Variants in ROBO1 observed in about 807,000 individuals in gnomAD.
ROBO1 encodes the protein roundabout homolog 1.
A neutral mutation model predicts 195.9 loss-of-function variants in ROBO1; 149 were observed. The ratio of observed to expected loss-of-function variants is 0.76; its 90% CI spans 0.67 to 0.87. The LOEUF is 0.87. Among genes scored for constraint, ROBO1 ranks in the 40% least tolerant of loss-of-function variants. ROBO1 has a pLI of 0.00. For missense variants in ROBO1, 1,933 were observed against 2,068.3 expected, an observed-to-expected ratio of 0.93 and a Z score of 1.27; for synonymous variants, 816 against 733.2, an observed-to-expected ratio of 1.11 and a Z score of -1.82.
At chr3:79,664,452 T>G (rs1234976983) in intron 1 of ROBO1, among the ~76,000 whole-genome samples, 2 of 152,074 alleles carry the variant, frequency 1.3e-5, no homozygotes, top group Non-Finnish European at 2.9e-5. Flanking sequence ...AGCTATGGAC[T>G]CCCAGGTGCC....
At chr3:78,866,335 C>T (rs572395587) in intron 4 of ROBO1, among the ~76,000 whole-genome samples, 79 of 152,216 alleles carry the variant, frequency 5.2e-4, no homozygotes, top group African/African-American at 1.9e-3. Context: ...TCATACAGGA[C>T]AGCATTTCCC....
chr3:79,107,777 T>G (rs1178566135), intron 3 of ROBO1, among the ~76,000 whole-genome samples: 1 of 151,752 alleles, frequency 6.6e-6, no homozygotes, highest in Non-Finnish European at 1.5e-5. Context: ...TTAATTGACA[T>G]ATTTCTAGCA....
At chr3:79,298,238 C>T (rs1033473152) in intron 2 of ROBO1, among the ~76,000 whole-genome samples, 1 of 152,078 alleles carries the variant, frequency 6.6e-6, no homozygotes. Flanking sequence ...ACCAGGCCAG[C>T]GGGCATGATT....
intron 2 of ROBO1, among the ~76,000 whole-genome samples, chr3:79,528,592 T>G (rs115782219): frequency 1.3e-5 from 2 of 152,184 alleles, no homozygotes; most frequent in Non-Finnish European, 2.9e-5. Flanking sequence ...ACTCAAAGTT[T>G]AGTGCTTACT....
chr3:79,555,567 C>G (rs975823364), intron 2 of ROBO1, among the ~76,000 whole-genome samples: 4 of 152,018 alleles, frequency 2.6e-5, no homozygotes, highest in African/African-American at 9.7e-5. Context: ...ACTTCCAAAA[C>G]TGTGTTGGAT....
At chr3:79,236,827 T>G (rs1375204533) in intron 2 of ROBO1, among the ~76,000 whole-genome samples, 2 of 152,176 alleles carry the variant, frequency 1.3e-5, no homozygotes, top group Non-Finnish European at 2.9e-5. Flanking sequence ...TGACTGACAT[T>G]GCAGGTTAAA....
At chr3:79,513,463 A>AC (rs1940809103) in intron 2 of ROBO1, among the ~76,000 whole-genome samples, 1 of 152,072 alleles carries the variant, frequency 6.6e-6, no homozygotes, top group African/African-American at 2.4e-5. Context: ...CTCACACTAT[A>AC]CCTTCAGTTA....
At chr3:78,849,400 T>A (rs1235341310) in intron 4 of ROBO1, among the ~76,000 whole-genome samples, 3 of 152,084 alleles carry the variant, frequency 2.0e-5, no homozygotes, top group Non-Finnish European at 2.9e-5. Context: ...TAACTACATA[T>A]GAAAAAATGG....
At chr3:79,215,074 C>T (rs1231701681) in intron 2 of ROBO1, among the ~76,000 whole-genome samples, 2 of 151,980 alleles carry the variant, frequency 1.3e-5, no homozygotes, top group African/African-American at 2.4e-5. Context: ...TCCTTTATCC[C>T]GGCCTGACCA....
At chr3:78,667,693 G>A (rs1159963031) in intron 14 of ROBO1, among the ~76,000 whole-genome samples, 190 bp downstream of exon 14, 1 of 152,038 alleles carries the variant, frequency 6.6e-6, no homozygotes, top group East Asian at 1.9e-4. Context: ...ATGTTGGTAT[G>A]CTTAGTCCAG....
chr3:79,029,638 G>C (rs1022568075), intron 3 of ROBO1, among the ~76,000 whole-genome samples: 3 of 152,168 alleles, frequency 2.0e-5, no homozygotes, highest in Non-Finnish European at 4.4e-5. Flanking sequence ...GTGCTTTAAA[G>C]GTAGAAGCTA....
At position 78,748,194 on chromosome 3, in the gene ROBO1, C is replaced by T. The variant is rs139479832; in HGVS notation, c.500-1294G>A. Reference sequence around the variant, plus strand: ...GGTGTGGTGGCTTACGCCTATAATCCCAGCACTTTGGGAGGCCAAGGAGGG... The same window carrying T: ...GGTGTGGTGGCTTACGCCTATAATCTCAGCACTTTGGGAGGCCAAGGAGGG... On this transcript the variant is annotated intron_variant, in intron 4 of 30. Coordinates refer to ENST00000464233, the MANE Select transcript of ROBO1 (RefSeq NM_002941.4). 7.5e-4 allele frequency among the ~76,000 whole-genome samples: 114 copies of T among 152,194 alleles called. 1 individual carries two copies. The East Asian group carries it at 0.02, about 27-fold the overall frequency.
chr3:79,680,675 T>A (rs1946918198), intron 1 of ROBO1, among the ~76,000 whole-genome samples: 1 of 151,970 alleles, frequency 6.6e-6, no homozygotes, highest in African/African-American at 2.4e-5. Flanking sequence ...TTTAACAAAG[T>A]TTACACTTTT....
At chr3:78,821,096 C>T (rs1321270728) in intron 4 of ROBO1, among the ~76,000 whole-genome samples, 1 of 151,304 alleles carries the variant, frequency 6.6e-6, no homozygotes, top group Non-Finnish European at 1.5e-5. Context: ...AAAAAATATA[C>T]ATGGTGAAAC....
intron 2 of ROBO1, among the ~76,000 whole-genome samples, chr3:79,416,439 A>C (rs1451150443): frequency 8.2e-6 from 1 of 122,052 alleles, no homozygotes; most frequent in African/African-American, 4.3e-5. Flanking sequence ...CCCCATCTCT[A>C]AAAAAAAAAA....
At chr3:79,565,042 C>T (rs2107724533) in intron 2 of ROBO1, among the ~76,000 whole-genome samples, 1 of 152,152 alleles carries the variant, frequency 6.6e-6, no homozygotes, top group Non-Finnish European at 1.5e-5. Context: ...TGTGAATATG[C>T]ACTTATTCAA....
chr3:78,697,131 T>C (rs2107907766), intron 8 of ROBO1, among the ~76,000 whole-genome samples: 1 of 152,114 alleles, frequency 6.6e-6, no homozygotes, highest in East Asian at 1.9e-4. Context: ...TATCATAGGT[T>C]CTAAATTACT....
intron 1 of ROBO1, among the ~76,000 whole-genome samples, chr3:79,731,362 G>A (rs1703141679): frequency 6.6e-6 from 1 of 152,098 alleles, no homozygotes; most frequent in African/African-American, 2.4e-5. Context: ...AGCATGTAAA[G>A]TATGTCCCTG....
At chr3:79,167,333 A>C (rs893583841) in intron 2 of ROBO1, among the ~76,000 whole-genome samples, 14 of 152,150 alleles carry the variant, frequency 9.2e-5, no homozygotes, top group Non-Finnish European at 1.5e-4. Context: ...CAAGGCAGCA[A>C]TTTCTTCCTT....
Sources: allele counts gnomAD v4.1 joint callset (sites outside exome capture counted in the v4.1 genomes callset), GRCh38; gene constraint gnomAD v4.1.1; transcripts MANE v1.5; gene names NCBI Gene and HGNC (gene_info 2026-07-23, HGNC 2026-07-21).